Variants in TRIM37 observed in about 807,000 individuals in gnomAD.
The protein encoded by TRIM37 is tripartite motif containing 37.
In TRIM37, 80 loss-of-function variants were observed where a neutral mutation model predicts 129.8. The ratio of observed to expected loss-of-function variants is 0.62; its 90% CI spans 0.51 to 0.74. The LOEUF is 0.74. TRIM37 is among the 30% of genes least tolerant of loss of function. The pLI is 0.00. For synonymous variants in TRIM37, 389 were observed against 387.1 expected (o/e 1.00, Z -0.06); for missense variants, 1,054 against 1,176.5 (o/e 0.90, Z 1.52).
At chr17:58,979,209 CA>C (rs1401794679), downstream of TRIM37, among the ~76,000 whole-genome samples, 1 of 152,130 alleles carries the variant, frequency 6.6e-6, no homozygotes, top group Non-Finnish European at 1.5e-5. Context: ...GGGCGATGAG[CA>C]GAGCCATATG....
At chr17:59,053,780 A>G (rs531456532) in intron 13 of TRIM37, among the ~76,000 whole-genome samples, 1 of 152,296 alleles carries the variant, frequency 6.6e-6, no homozygotes, top group East Asian at 1.9e-4. Flanking sequence ...AGCTATACGA[A>G]GAAAACTAAA....
intron 5 of TRIM37, among the ~76,000 whole-genome samples, chr17:59,081,964 A>AAAAAAAATAATAATAAT (rs1568200247): frequency 1.1e-5 from 1 of 87,228 alleles, no homozygotes; most frequent in Non-Finnish European, 2.2e-5. Flanking sequence ...AAAAAAAAAA[A>AAAAAAAATAATAATAAT]AATAATAATA....
intron 2 of TRIM37, among the ~76,000 whole-genome samples, chr17:59,093,557 A>G (rs1427616340): frequency 6.6e-6 from 1 of 152,176 alleles, no homozygotes; most frequent in Non-Finnish European, 1.5e-5. Flanking sequence ...ACAGCAACCT[A>G]CACTTCCCCC....
the TRIM37 span, chr17:58,972,728 C>A: frequency 5.9e-6 from 6 of 1,022,806 alleles, no homozygotes; most frequent in African/African-American, 6.4e-5. Flanking sequence ...ACAAAGAGAA[C>A]CTTTTCATGA....
intron 22 of TRIM37, 161 bp from the exon 23 acceptor site, chr17:59,001,875 C>A (rs1218936994): frequency 2.0e-6 from 2 of 1,015,244 alleles, no homozygotes; most frequent in South Asian, 1.5e-5. Flanking sequence ...CAAAAGTAAC[C>A]GCACAAACCT....
At chr17:59,049,478 G>C in intron 14 of TRIM37, 85 bp from the exon 15 acceptor site, 1 of 1,182,104 alleles carries the variant, frequency 8.5e-7, no homozygotes, top group Non-Finnish European at 1.2e-6. Context: ...AATGCATCCA[G>C]ATGTTTCTAA....
intron 5 of TRIM37, among the ~76,000 whole-genome samples, chr17:59,081,964 A>AAAAAAAAAAAAAAAAAAAT (rs1568200247): frequency 1.1e-5 from 1 of 87,224 alleles, no homozygotes; most frequent in African/African-American, 5.1e-5. Flanking sequence ...AAAAAAAAAA[A>AAAAAAAAAAAAAAAAAAAT]AATAATAATA....
intron 17 of TRIM37, 125 bp from the exon 18 acceptor site, chr17:59,032,215 C>A: frequency 9.1e-7 from 1 of 1,101,014 alleles, no homozygotes; most frequent in South Asian, 1.3e-5. Flanking sequence ...AGTTCAGGTT[C>A]ATGATAAGAA....
intron 22 of TRIM37, among the ~76,000 whole-genome samples, chr17:59,006,717 C>T (rs892538761): frequency 6.6e-6 from 1 of 151,968 alleles, no homozygotes; most frequent in Non-Finnish European, 1.5e-5. Flanking sequence ...GGCAAAACCC[C>T]GTCTCTACTA....
At chr17:59,068,516 A>G (rs1043181692) in intron 9 of TRIM37, among the ~76,000 whole-genome samples, 1 of 152,250 alleles carries the variant, frequency 6.6e-6, no homozygotes, top group Admixed American at 6.5e-5. Flanking sequence ...ACAAATCTTC[A>G]AAACTGAAAT....
At chr17:59,074,781 G>A (rs1328482097) in intron 8 of TRIM37, among the ~76,000 whole-genome samples, 4 of 152,112 alleles carry the variant, frequency 2.6e-5, no homozygotes, top group Admixed American at 2.6e-4. Context: ...ACAAGTGAAT[G>A]TATCAGATAT....
chr17:59,099,806 C>T (rs2045289686), intron 2 of TRIM37, among the ~76,000 whole-genome samples: 1 of 151,818 alleles, frequency 6.6e-6, no homozygotes, highest in Non-Finnish European at 1.5e-5. Context: ...AAACTATTTC[C>T]TTTTTTTTCT....
chr17:59,023,100 A>C (rs1222056924), intron 19 of TRIM37, among the ~76,000 whole-genome samples: 1 of 152,018 alleles, frequency 6.6e-6, no homozygotes, highest in Non-Finnish European at 1.5e-5. Flanking sequence ...TATTTTTGAG[A>C]CAGTCTCACT....
At chr17:59,020,137 A>G (rs1436383863) in intron 19 of TRIM37, among the ~76,000 whole-genome samples, 1 of 140,152 alleles carries the variant, frequency 7.1e-6, no homozygotes, top group African/African-American at 2.6e-5. Flanking sequence ...AGGCTGAGGT[A>G]GGAGAAGTGC....
the TRIM37 span, chr17:58,972,691 C>A: frequency 1.3e-6 from 1 of 741,236 alleles, no homozygotes; most frequent in South Asian, 1.7e-5. Context: ...ATCACATCAG[C>A]AACTGTGCCC....
At chr17:59,015,563 A>T (rs763831530) in intron 21 of TRIM37, 47 bp downstream of exon 21, 3 of 1,579,358 alleles carry the variant, frequency 1.9e-6, no homozygotes, top group Non-Finnish European at 2.6e-6. Flanking sequence ...TTCCAAACAA[A>T]GCTATTAGCT....
At chr17:58,967,880 T>C in the TRIM37 span, among the ~76,000 whole-genome samples, 1 of 151,790 alleles carries the variant, frequency 6.6e-6, no homozygotes, top group Non-Finnish European at 1.5e-5. Context: ...CTCGACTCAC[T>C]GCAACCTCCG....
intron 17 of TRIM37, among the ~76,000 whole-genome samples, chr17:59,041,047 C>T (rs539694903): frequency 1.3e-5 from 2 of 149,912 alleles, no homozygotes; most frequent in Non-Finnish European, 3.0e-5. Context: ...AGCGAGACTC[C>T]GTCTCAAAAA....
At position 59,028,643 on chromosome 17, in the gene TRIM37, T is replaced by G. The variant is rs1212214629; in HGVS notation, c.2029A>C (p.Arg677=). 1 of 1,614,218 alleles carries G rather than the reference T, an allele frequency of 6.2e-7. No homozygotes were observed. Among genetic ancestry groups the G allele is most frequent in the Middle Eastern group, 1.6e-4 (1 of 6,062 alleles). Residue 677 remains arginine (R), a synonymous_variant, in exon 19 of 24, where the codon AGA becomes CGA. Coordinates refer to ENST00000262294, the MANE Select transcript of TRIM37 (RefSeq NM_015294.6). ...RVPSDLKMLK[R]LKTQMAEVRC... ...ACTTCGGCCATTTGAGTTTTGAGTC[T>G]TTTTAGCATCTTTAAATCAGAGGGC...
Sources: gnomAD v4.1 joint callset for allele counts (sites outside exome capture counted in the v4.1 genomes callset) on GRCh38, gnomAD v4.1.1 for gene constraint, MANE v1.5 for transcripts, NCBI Gene and HGNC (gene_info 2026-07-23, HGNC 2026-07-21) for gene names.